Variants in FAM185A observed in about 807,000 individuals in gnomAD.
The protein encoded by FAM185A is protein FAM185A.
In FAM185A, 21 loss-of-function variants were observed where a neutral mutation model predicts 45.7. That is an observed-to-expected ratio of 0.46 (90% CI 0.33 to 0.66). The LOEUF is 0.66. FAM185A is among the 30% of genes least tolerant of loss of function. FAM185A has a pLI of 0.03. For synonymous variants in FAM185A, 117 were observed against 194.0 expected, an observed-to-expected ratio of 0.60 and a Z score of 3.30; for missense variants, 305 against 485.4, an observed-to-expected ratio of 0.63 and a Z score of 3.49.
chr7:102,789,172 A>G (rs1352662523), intron 7 of FAM185A, among the ~76,000 whole-genome samples: 1 of 152,186 alleles, frequency 6.6e-6, no homozygotes, highest in Non-Finnish European at 1.5e-5. Context: ...TGTTGCATAG[A>G]CCGGAGTGCA....
chr7:102,784,387 G>T (rs143815648), intron 6 of FAM185A, among the ~76,000 whole-genome samples: 33,634 of 151,568 alleles, frequency 0.22, 4,013 homozygotes, highest in African/African-American at 0.33. Context: ...CAAAAAAAGA[G>T]AATTTTAGAC....
At chr7:102,848,504 C>T in the FAM185A span, among the ~76,000 whole-genome samples, 7 of 39,848 alleles carry the variant, frequency 1.8e-4, no homozygotes, top group African/African-American at 1.5e-3. Context: ...TGCAGTGAGC[C>T]GAGATTGCGC....
the FAM185A span, among the ~76,000 whole-genome samples, chr7:102,820,678 A>G: frequency 6.6e-6 from 1 of 152,230 alleles, no homozygotes; most frequent in Non-Finnish European, 1.5e-5. Flanking sequence ...TATTGCTCAT[A>G]GTTATAGAGG....
the FAM185A span, among the ~76,000 whole-genome samples, chr7:102,843,947 A>G: frequency 5.3e-5 from 8 of 152,202 alleles, no homozygotes; most frequent in Non-Finnish European, 7.3e-5. Flanking sequence ...CTAAGTGATC[A>G]TCAGACAACA....
At chr7:102,776,775 T>A (rs530438633) in intron 5 of FAM185A, among the ~76,000 whole-genome samples, 6 of 151,578 alleles carry the variant, frequency 4.0e-5, no homozygotes, top group Non-Finnish European at 5.9e-5. Flanking sequence ...TTAGGAGCAC[T>A]TCTTAGTATC....
At chr7:102,829,031 G>T in the FAM185A span, among the ~76,000 whole-genome samples, 2 of 152,158 alleles carry the variant, frequency 1.3e-5, no homozygotes, top group Non-Finnish European at 2.9e-5. Context: ...GAACAGCCAG[G>T]CTCTGTTCCA....
chr7:102,809,947 A>G (rs997083268), downstream of FAM185A, among the ~76,000 whole-genome samples: 6 of 152,086 alleles, frequency 3.9e-5, no homozygotes, highest in Non-Finnish European at 7.3e-5. Context: ...ACTGTTTAAA[A>G]GTGTGGGTAT....
chr7:102,782,970 A>G (rs865935075), intron 6 of FAM185A, among the ~76,000 whole-genome samples: 14 of 151,422 alleles, frequency 9.2e-5, no homozygotes, highest in East Asian at 2.0e-4. Context: ...CCAAGCAAAT[A>G]GAAAACAAAA....
intron 2 of FAM185A, among the ~76,000 whole-genome samples, chr7:102,754,572 C>G (rs1363614666): frequency 6.6e-6 from 1 of 152,274 alleles, no homozygotes; most frequent in Non-Finnish European, 1.5e-5. Flanking sequence ...TTCATTTAAT[C>G]CTTGAATTTT....
chr7:102,783,001 T>C (rs970148495), intron 6 of FAM185A, among the ~76,000 whole-genome samples: 8 of 151,694 alleles, frequency 5.3e-5, no homozygotes, highest in African/African-American at 1.7e-4. Flanking sequence ...GTTGCAATCC[T>C]AGTCTCTGAT....
rs1327869162 is a variant in FAM185A at position 102,749,021 on chromosome 7, C to T, written c.-187C>T. The T allele has an allele frequency of 4.4e-6, 4 of 914,238 alleles. No homozygotes were observed. The highest frequency in any genetic ancestry group is 2.1e-4 in the Middle Eastern group (1 of 4,784). 56.6% of individuals were successfully genotyped at this position (914,238 alleles called of 1,614,324 possible). A position where few individuals can be genotyped will look rare whatever the true frequency, so the allele number is the denominator to read the frequency against. On this transcript the variant is annotated 5_prime_UTR_variant, in exon 1 of 8. Coordinates refer to ENST00000413034, the MANE Select transcript of FAM185A (RefSeq NM_001145268.2). Reference sequence around the variant, plus strand: ...TTTAGAGCTTTCAAATCCCAACTTGCCCCTGGGGATTGCGCGGCTGATGTT... The same window carrying T: ...TTTAGAGCTTTCAAATCCCAACTTGTCCCTGGGGATTGCGCGGCTGATGTT...
Position 102,804,711 on chromosome 7 carries a change from T to C in FAM185A, c.1067-3579T>C, listed in dbSNP as rs138310595. Among the ~76,000 whole-genome samples, 2,145 of 151,792 alleles carry C rather than the reference T, an allele frequency of 0.014. 121 individuals carry two copies. In the East Asian group the frequency reaches 0.16, roughly 11 times the overall value. On this transcript the variant is annotated intron_variant, in intron 7 of 7. Coordinates refer to ENST00000413034, the MANE Select transcript of FAM185A (RefSeq NM_001145268.2). ...ACTTAATTAAACTGAAGAGCTTTTG[T>C]ACAGCAAAAGGATCAGTCAGCAGAG...
intron 6 of FAM185A, among the ~76,000 whole-genome samples, chr7:102,781,199 A>C (rs1291741319): frequency 6.6e-6 from 1 of 152,210 alleles, no homozygotes; most frequent in African/African-American, 2.4e-5. Flanking sequence ...CCGCAGCTCA[A>C]GGAGGCCTGC....
At chr7:102,813,240 G>T, downstream of FAM185A, 1 of 1,057,322 alleles carries the variant, frequency 9.5e-7, no homozygotes, top group Non-Finnish European at 1.4e-6. Flanking sequence ...TTTGTTGCTT[G>T]TTTACATTGT....
chr7:102,769,241 TAC>T (rs1288193509), intron 4 of FAM185A, among the ~76,000 whole-genome samples: 1 of 152,052 alleles, frequency 6.6e-6, no homozygotes, highest in Non-Finnish European at 1.5e-5. Flanking sequence ...GCTTTTAGTA[TAC>T]AGTAGAACTC....
At chr7:102,829,495 C>T in the FAM185A span, among the ~76,000 whole-genome samples, 1 of 152,084 alleles carries the variant, frequency 6.6e-6, no homozygotes, top group Non-Finnish European at 1.5e-5. Flanking sequence ...TCTCATTTCC[C>T]ACCCCCTTTT....
chr7:102,775,642 C>G (rs1167077074), intron 5 of FAM185A, among the ~76,000 whole-genome samples: 6 of 152,120 alleles, frequency 3.9e-5, no homozygotes, highest in Non-Finnish European at 8.8e-5. Context: ...ATTTATGAGC[C>G]ACATAAAAAT....
At chr7:102,772,600 T>C in intron 5 of FAM185A, 150 bp downstream of exon 5, 1 of 465,830 alleles carries the variant, frequency 2.1e-6, no homozygotes, top group Non-Finnish European at 3.8e-6. Context: ...AATGTACTAA[T>C]TATGTCCACT....
the FAM185A span, among the ~76,000 whole-genome samples, chr7:102,827,783 T>A: frequency 6.6e-5 from 10 of 152,244 alleles, 2 homozygotes; most frequent in Admixed American, 5.9e-4. Context: ...AGTGTTTGGT[T>A]TTTTGTCCTT....
Sources: allele counts gnomAD v4.1 joint callset (sites outside exome capture counted in the v4.1 genomes callset), GRCh38; gene constraint gnomAD v4.1.1; transcripts MANE v1.5; gene names NCBI Gene and HGNC (gene_info 2026-07-23, HGNC 2026-07-21).